The following SLC2A9 variants were observed in gnomAD, a reference collection of about 807,000 sequenced individuals.
SLC2A9 encodes solute carrier family 2 member 9, also known as solute carrier family 2, facilitated glucose transporter member 9.
SLC2A9 carries 39 observed loss-of-function variants against 50.6 expected under a neutral mutation model. The ratio of observed to expected loss-of-function variants is 0.77; its 90% confidence interval spans 0.60 to 1.01. The LOEUF (loss-of-function observed/expected upper bound fraction) is 1.01, where lower values mean the gene tolerates loss of function less well. SLC2A9 is among the 50% of genes least tolerant of loss of function. SLC2A9 has a pLI of 0.00. For synonymous variants in SLC2A9, 324 were observed against 276.9 expected, an observed-to-expected ratio of 1.17 and a Z score of -1.69; for missense variants, 686 against 677.6, an observed-to-expected ratio of 1.01 and a Z score of -0.14.
chr4:9,865,406 C>A (rs1732288946), intron 10 of SLC2A9, among the ~76,000 whole-genome samples: 1 of 152,204 alleles, frequency 6.6e-6, no homozygotes, highest in Admixed American at 6.5e-5. Context: ...CGTGCTCATC[C>A]TTTTGGTGGG....
At chr4:9,782,072 T>G (rs1201128653) in intron 3 of SLC2A9, 2 of 1,500,694 alleles carry the variant, frequency 1.3e-6, no homozygotes, top group Non-Finnish European at 1.8e-6. Context: ...CCCGGGGCAG[T>G]TCGCTCTATA....
At chr4:10,024,586 C>T (rs1277687150), upstream of SLC2A9, among the ~76,000 whole-genome samples, 1 of 152,176 alleles carries the variant, frequency 6.6e-6, no homozygotes, top group Non-Finnish European at 1.5e-5. Flanking sequence ...TGAGACAATA[C>T]ATTTCTGTTG....
intron 8 of SLC2A9, among the ~76,000 whole-genome samples, chr4:9,901,267 T>C (rs1462232419): frequency 6.6e-6 from 1 of 152,104 alleles, no homozygotes. Context: ...GATCTAGTAT[T>C]TTAGTGGAGG....
At chr4:9,962,293 A>G (rs777739939) in intron 5 of SLC2A9, among the ~76,000 whole-genome samples, 29 of 152,236 alleles carry the variant, frequency 1.9e-4, no homozygotes, top group Non-Finnish European at 3.5e-4. Flanking sequence ...CACTATTCAC[A>G]ATAGCAAAGA....
At chr4:9,996,016 G>A (rs889003711) in intron 3 of SLC2A9, 1 of 152,608 alleles carries the variant, frequency 6.6e-6, no homozygotes, top group Non-Finnish European at 1.5e-5. Context: ...TTGTTTGTGG[G>A]GATTCATTGA....
chr4:9,853,037 G>A (rs543238765), intron 10 of SLC2A9, among the ~76,000 whole-genome samples: 2 of 152,246 alleles, frequency 1.3e-5, no homozygotes, highest in South Asian at 4.2e-4. Flanking sequence ...TTAGCTGGAT[G>A]TGGTGGTGTG....
rs1056401256 is a variant in SLC2A9 at position 9,866,402 on chromosome 4, G to A, written c.1291+21165C>T. Among the ~76,000 whole-genome samples, 34 of 152,060 alleles carry A rather than the reference G, an allele frequency of 2.2e-4. 1 individual carries two copies. Among genetic ancestry groups the A allele is most frequent in the Admixed American group, 5.9e-4 (9 of 15,270 alleles). On this transcript the variant is annotated intron_variant, in intron 10 of 11. Coordinates refer to ENST00000264784, the MANE Select transcript of SLC2A9 (RefSeq NM_020041.3). Reference sequence around the variant, plus strand: ...GTCCTCTGATGCAAACCCGCCAAGCGTTTCCCATTGCATTTGAAATCCAGC... The same window carrying A: ...GTCCTCTGATGCAAACCCGCCAAGCATTTCCCATTGCATTTGAAATCCAGC...
Position 9,942,061 on chromosome 4 carries a change from A to T in SLC2A9, c.682-16T>A. On this transcript the variant is annotated splice_polypyrimidine_tract_variant and intron_variant, in intron 5 of 11. Coordinates refer to ENST00000264784, the MANE Select transcript of SLC2A9 (RefSeq NM_020041.3). ...AGGTACTCTCCTGTGGGAGAAGGAG[A>T]TGCTGCTGAGTGCAGTGGCCTTTGG... 6.2e-7 allele frequency: 1 copy of T among 1,613,824 alleles called. No homozygotes were observed. Among genetic ancestry groups the T allele is most frequent in the Non-Finnish European group, 8.5e-7 (1 of 1,179,828 alleles).
intron 1 of SLC2A9, chr4:10,036,027 C>T (rs1764095471): frequency 9.8e-6 from 2 of 204,640 alleles, no homozygotes; most frequent in South Asian, 1.9e-4. Flanking sequence ...GGGTCTCCAG[C>T]TTGCAGATGG....
chr4:9,882,665 C>T (rs934222296), intron 10 of SLC2A9, among the ~76,000 whole-genome samples: 3 of 145,966 alleles, frequency 2.1e-5, no homozygotes, highest in East Asian at 2.0e-4. Flanking sequence ...GCTGAGATCG[C>T]GTCACTGCAC....
chr4:10,007,742 G>A (rs998506701), intron 2 of SLC2A9, among the ~76,000 whole-genome samples: 3 of 152,262 alleles, frequency 2.0e-5, no homozygotes, highest in South Asian at 4.1e-4. Flanking sequence ...CATATCCTCC[G>A]GTTGGCCGGA....
chr4:9,921,243 T>C (rs1743894463), intron 6 of SLC2A9, among the ~76,000 whole-genome samples: 1 of 152,158 alleles, frequency 6.6e-6, no homozygotes, highest in Non-Finnish European at 1.5e-5. Flanking sequence ...CCCACCCTCA[T>C]GATTTATGCC....
intron 4 of SLC2A9, among the ~76,000 whole-genome samples, chr4:9,983,460 G>A (rs1032620163): frequency 4.6e-5 from 7 of 152,214 alleles, no homozygotes; most frequent in Admixed American, 1.3e-4. Flanking sequence ...AGAACTTTAT[G>A]CAAGGCAGCC....
intron 10 of SLC2A9, among the ~76,000 whole-genome samples, chr4:9,873,737 T>C (rs1172797578): frequency 6.6e-6 from 1 of 152,218 alleles, no homozygotes; most frequent in Non-Finnish European, 1.5e-5. Context: ...CAAAGAAGCC[T>C]GGGCCAGAAG....
rs3733590 is a variant in SLC2A9, at chr4:9,985,602, T to C, written c.535+67A>G. ...CCAGTCATGTGACAGCCCCAAACAC[T>C]TCTCACATTTTGGGACACCCCCAAG... On this transcript the variant is annotated intron_variant, in intron 4 of 11. Transcript: ENST00000264784. 120,197 of 1,603,020 alleles carry C rather than the reference T, an allele frequency of 0.075. 8,024 individuals carry two copies. Among genetic ancestry groups the C allele is most frequent in the East Asian group, 0.41 (18,201 of 44,534 alleles).
At chr4:9,905,454 A>G (rs1464023291) in intron 8 of SLC2A9, among the ~76,000 whole-genome samples, 1 of 152,218 alleles carries the variant, frequency 6.6e-6, no homozygotes, top group East Asian at 1.9e-4. Context: ...ACTGAGATCC[A>G]CTGGGTCCAA....
chr4:9,772,320 A>G (rs1248428843), intron 1 of SLC2A9, among the ~76,000 whole-genome samples: 1 of 152,248 alleles, frequency 6.6e-6, no homozygotes, highest in Non-Finnish European at 1.5e-5. Context: ...GCTTCCATCT[A>G]TTGTGGATTG....
intron 5 of SLC2A9, among the ~76,000 whole-genome samples, chr4:9,955,615 G>A (rs1381549379): frequency 2.6e-5 from 4 of 151,528 alleles, no homozygotes; most frequent in African/African-American, 4.8e-5. Flanking sequence ...CTGCTGTAAC[G>A]CTTTTTAATA....
chr4:10,030,407 C>T, intron 1 of SLC2A9, among the ~76,000 whole-genome samples: 1 of 152,000 alleles, frequency 6.6e-6, no homozygotes. Flanking sequence ...AGTAATTATG[C>T]CTTTGTCCAA....
Sources: allele counts gnomAD v4.1 joint callset (sites outside exome capture counted in the v4.1 genomes callset), GRCh38; gene constraint gnomAD v4.1.1; transcripts MANE v1.5; gene names NCBI Gene and HGNC (gene_info 2026-07-23, HGNC 2026-07-21).